Variants in SPTBN5 observed in about 807,000 individuals in gnomAD.
SPTBN5 encodes the protein spectrin beta, non-erythrocytic 5.
Under a neutral mutation model 477.6 loss-of-function variants are expected in SPTBN5, and 513 were observed. The observed-to-expected ratio is 1.07, with a 90% CI of 1.00 to 1.16. The LOEUF (loss-of-function observed/expected upper bound fraction) is 1.16. Among genes scored for constraint, SPTBN5 ranks in the 50% most tolerant of loss-of-function variants. SPTBN5 has a pLI of 0.00. For missense variants in SPTBN5, 5,062 were observed against 4,731.8 expected, an observed-to-expected ratio of 1.07 and a Z score of -2.05; for synonymous variants, 2,169 against 2,011.7, an observed-to-expected ratio of 1.08 and a Z score of -2.09.
intron 5 of SPTBN5, among the ~76,000 whole-genome samples, 200 bp from the exon 6 acceptor site, chr15:41,887,641 C>T (rs1421406472): frequency 6.6e-6 from 1 of 152,192 alleles, no homozygotes; most frequent in East Asian, 1.9e-4. Flanking sequence ...AGGGACCAGG[C>T]TGGGGGGCTG....
chr15:41,848,552 T>G lies in SPTBN5; in HGVS notation c.*64A>C, dbSNP rs962166438. 1 of 1,604,116 alleles carries G rather than the reference T, an allele frequency of 6.2e-7. No homozygotes were observed. Among genetic ancestry groups the G allele is most frequent in the African/African-American group, 1.3e-5 (1 of 74,694 alleles). On this transcript the variant is annotated 3_prime_UTR_variant, in exon 68 of 68. Transcript: ENST00000320955. Reference sequence around the variant, plus strand: ...CCCTTTTGCCTGTAGCTGAGTCTTATTCTGGTCCCTTAGATGTGTCCTCGC... The same window carrying G: ...CCCTTTTGCCTGTAGCTGAGTCTTAGTCTGGTCCCTTAGATGTGTCCTCGC...
intron 58 of SPTBN5, 65 bp downstream of exon 58, chr15:41,853,517 C>A: frequency 6.5e-7 from 1 of 1,537,320 alleles, no homozygotes; most frequent in Admixed American, 1.9e-5. Flanking sequence ...CCAGCTCCCC[C>A]AAGAGCCAGG....
In SPTBN5 at chr15:41,861,505, A is replaced by T; in HGVS notation, c.7738-9T>A. On this transcript the variant is annotated splice_polypyrimidine_tract_variant and intron_variant, in intron 45 of 67. Coordinates refer to ENST00000320955, the MANE Select transcript of SPTBN5 (RefSeq NM_016642.4). ...ACTGAGCTCAGAAACAGCTGAGAAC[A>T]AAGGAAAAGGCAAGAGACAGTCGGT... 1 of 1,613,320 alleles carries T rather than the reference A, an allele frequency of 6.2e-7. No homozygotes were observed. The highest frequency in any genetic ancestry group is 8.5e-7 in the Non-Finnish European group (1 of 1,179,772).
In SPTBN5 at chr15:41,879,915, A is replaced by C. The variant is rs1258793471; in HGVS notation, c.2812-51T>G. ...CTTGGGGGACTTTTTCTCTTTCCAC[A>C]CTCCCCTCTAGCCTATGACGGACCT... is the stretch of plus-strand genomic sequence containing the variant. On this transcript the variant is annotated intron_variant, in intron 14 of 67. Coordinates refer to ENST00000320955, the MANE Select transcript of SPTBN5 (RefSeq NM_016642.4). 4.4e-6 allele frequency: 7 copies of C among 1,606,416 alleles called. No individual in the cohort carries two copies. In the East Asian group the frequency reaches 1.3e-4, roughly 31 times the overall value.
At position 41,854,171 on chromosome 15, in the gene SPTBN5, T is replaced by C. The variant is rs775396525; in HGVS notation, c.9653A>G (p.Gln3218Arg). ...LAAAHEVHSFQQAAAELQGRM... is the reference protein window; with the variant it reads ...LAAAHEVHSFRQAAAELQGRM... ...TCCCTGGAGCTCAGCTGCTGCCTGC[T>C]GAAAGCTGTGGACCTCATGGGCTGC... Residue 3218 changes from glutamine to arginine, a missense_variant, in exon 57 of 68, where the codon CAG becomes CGG. By Grantham distance (43) the Gln-to-Arg change is conservative. Transcript: ENST00000320955. 1 of 1,600,158 alleles carries C rather than the reference T, an allele frequency of 6.2e-7. No individual in the cohort carries two copies. Among genetic ancestry groups the C allele is most frequent in the South Asian group, 1.1e-5 (1 of 88,192 alleles).
At chr15:41,850,135 T>C in intron 66 of SPTBN5, 176 bp from the exon 67 acceptor site, 2 of 605,434 alleles carry the variant, frequency 3.3e-6, no homozygotes, top group East Asian at 2.8e-5. Flanking sequence ...GGCAGGTTTT[T>C]CCCCCATGCG....
chr15:41,870,228 G>T lies in SPTBN5; in HGVS notation c.5673+15C>A, dbSNP rs764900389. 18 of 1,544,866 alleles carry T rather than the reference G, an allele frequency of 1.2e-5. No individual in the cohort carries two copies. The highest frequency in any genetic ancestry group is 1.4e-5 in the Non-Finnish European group (16 of 1,144,864). On this transcript the variant is annotated intron_variant, in intron 31 of 67. Coordinates refer to ENST00000320955, the MANE Select transcript of SPTBN5 (RefSeq NM_016642.4). The stretch of plus-strand genomic sequence containing the variant: ...TGCAGGGGCCTGGGTCGGAGAGGCA[G>T]CCAGCTGGGCTCACCTGCCGCTCGG...
At chr15:41,860,400 A>T (rs545109503) in intron 47 of SPTBN5, among the ~76,000 whole-genome samples, 186 bp downstream of exon 47, 13 of 152,348 alleles carry the variant, frequency 8.5e-5, no homozygotes, top group African/African-American at 3.1e-4. Flanking sequence ...GTGGTGTTTG[A>T]TGTCCATAAC....
chr15:41,873,450 A>G, intron 26 of SPTBN5, 42 bp downstream of exon 26: 1 of 1,444,728 alleles, frequency 6.9e-7, no homozygotes, highest in Middle Eastern at 1.8e-4. Flanking sequence ...GTGGTCCATC[A>G]TCACCCAGAC....
chr15:41,874,400 G>C lies in SPTBN5; in HGVS notation c.4581C>G (p.His1527Gln). The change falls in exon 24 of 68, where the codon CAC becomes CAG. Residue 1527 changes from histidine (H) to glutamine (Q), a missense_variant. Physicochemically the swap from His to Gln is conservative, Grantham distance 24. Transcript: ENST00000320955. Reference sequence around the variant, plus strand: ...CCCAAGAGAGCTCCATGTTGCTCAGGTGGCAGAACTGGTGCAGCTCCACTG... The same window carrying C: ...CCCAAGAGAGCTCCATGTTGCTCAGCTGGCAGAACTGGTGCAGCTCCACTG... ...QASVELHQFCHLSNMELSWVA... is the reference protein window; with the variant it reads ...QASVELHQFCQLSNMELSWVA... 6.2e-7 allele frequency: 1 copy of C among 1,613,772 alleles called. No individual in the cohort carries two copies. The highest frequency in any genetic ancestry group is 8.5e-7 in the Non-Finnish European group (1 of 1,179,876).
intron 7 of SPTBN5, among the ~76,000 whole-genome samples, chr15:41,884,309 C>T (rs957857529): frequency 6.6e-6 from 1 of 151,364 alleles, no homozygotes; most frequent in African/African-American, 2.4e-5. Flanking sequence ...TTAGTAGAGA[C>T]GGGTTTCACC....
Position 41,890,135 on chromosome 15 carries a change from C to A in SPTBN5, c.455G>T (p.Trp152Leu). 6.2e-7 allele frequency: 1 copy of A among 1,613,300 alleles called. No individual in the cohort carries two copies. Among genetic ancestry groups the A allele is most frequent in the Non-Finnish European group, 8.5e-7 (1 of 1,179,654 alleles). ...GATCTGGAAACGCAGAATGATGACC[C>A]AGATGAGTCCCAGGATGAGTGTCTG... Reference protein sequence around the residue: ...GDQTLILGLIWVIILRFQISH... With the variant: ...GDQTLILGLILVIILRFQISH... The change falls in exon 4 of 68, where the codon TGG becomes TTG. Residue 152 changes from tryptophan (W) to leucine (L), a missense_variant. By Grantham distance (61) the Trp-to-Leu change is moderately conservative (BLOSUM62 -2). Coordinates refer to ENST00000320955, the MANE Select transcript of SPTBN5 (RefSeq NM_016642.4).
intron 56 of SPTBN5, 26 bp from the exon 57 acceptor site, chr15:41,854,231 A>G (rs1595443881): frequency 1.3e-6 from 2 of 1,578,718 alleles, no homozygotes; most frequent in Admixed American, 1.8e-5. Context: ...GGACCTGCTC[A>G]GGGCTGTTCT....
intron 4 of SPTBN5, among the ~76,000 whole-genome samples, chr15:41,888,855 T>C (rs1020718896): frequency 2.0e-5 from 3 of 152,176 alleles, no homozygotes; most frequent in African/African-American, 7.2e-5. Flanking sequence ...AGGACGTGCA[T>C]GGTGCCCACA....
chr15:41,866,903 G>A (rs1720353268), intron 36 of SPTBN5, 56 bp downstream of exon 36: 2 of 1,501,250 alleles, frequency 1.3e-6, no homozygotes, highest in Non-Finnish European at 1.8e-6. Flanking sequence ...GAAGGCGGCT[G>A]AAAACTGTCG....
At position 41,854,871 on chromosome 15, in the gene SPTBN5, G is replaced by A. The variant is rs1341583606; in HGVS notation, c.9529C>T (p.Pro3177Ser). 3 of 1,609,700 alleles carry A rather than the reference G, an allele frequency of 1.9e-6. No homozygotes were observed. ...KLAGTLERGA[P>S]RRYPHIQAQR... ...GCTTGGATGTGGGGATAGCGCCTGG[G>A]TGCACCCCGCTCCAGGGTGCCTGCC... Residue 3177 changes from proline to serine, a missense_variant, in exon 56 of 68, where the codon CCC (proline) becomes TCC (serine). Transcript: ENST00000320955.
rs911519484 is a variant in SPTBN5, at chr15:41,887,588, GGAGGAGGACTCTGACAGAGAAA to G, written c.660-169_660-148del. 82 of 718,836 alleles carry G rather than the reference GGAGGAGGACTCTGACAGAGAAA, an allele frequency of 1.1e-4. No individual in the cohort carries two copies. In the African/African-American group the frequency reaches 1.3e-3, roughly 12 times the overall value. 44.5% of individuals were successfully genotyped at this position (718,836 alleles called of 1,614,324 possible). Reference sequence around the variant, plus strand: ...GACAGTTATCTGAGGCCCTGTTGAAGGAGGAGGACTCTGACAGAGAAAGAGGAGAGTTCATTCGGCACAGGGA... The same window carrying G: ...GACAGTTATCTGAGGCCCTGTTGAAGGAGGAGAGTTCATTCGGCACAGGGA... On this transcript the variant is annotated intron_variant, in intron 5 of 67. Coordinates refer to ENST00000320955, the MANE Select transcript of SPTBN5 (RefSeq NM_016642.4).
rs745909584 is a variant in SPTBN5, at chr15:41,863,852, G to A, written c.7035-34C>T. 3.1e-6 allele frequency: 5 copies of A among 1,612,952 alleles called. No individual in the cohort carries two copies. The South Asian group carries it at 5.5e-5, about 18-fold the overall frequency. ...GGGGTGGTGGTGTCATGTGGAGCCT[G>A]AGGTGGCCTTCCACCCCTCTTCCCG... On this transcript the variant is annotated intron_variant, in intron 40 of 67. Coordinates refer to ENST00000320955, the MANE Select transcript of SPTBN5 (RefSeq NM_016642.4).
At chr15:41,888,361 A>G (rs1355834983) in intron 4 of SPTBN5, among the ~76,000 whole-genome samples, 1 of 152,258 alleles carries the variant, frequency 6.6e-6, no homozygotes, top group African/African-American at 2.4e-5. Context: ...ACAGGTGATC[A>G]CACAGCAACA....
Sources: gnomAD v4.1 joint callset for allele counts (sites outside exome capture counted in the v4.1 genomes callset) on GRCh38, gnomAD v4.1.1 for gene constraint, MANE v1.5 for transcripts, NCBI Gene and HGNC (gene_info 2026-07-23, HGNC 2026-07-21) for gene names.